Variants in SLC44A5 observed in about 807,000 individuals in gnomAD.
The protein encoded by SLC44A5 is choline transporter-like protein 5.
In SLC44A5, 57 loss-of-function variants were observed where a neutral mutation model predicts 101.8. The ratio of observed to expected loss-of-function variants is 0.56; its 90% CI spans 0.45 to 0.70. SLC44A5 has a LOEUF of 0.70. SLC44A5 is among the 30% of genes least tolerant of loss of function. The probability of loss-of-function intolerance (pLI) is 0.00; values close to 1 mark genes in which losing one functional copy is unlikely to be tolerated. For synonymous variants in SLC44A5, 281 were observed against 290.9 expected (o/e 0.97, Z 0.35); for missense variants, 737 against 853.1 (o/e 0.86, Z 1.70).
chr1:75,486,123 A>G (rs1668135821), intron 2 of SLC44A5, among the ~76,000 whole-genome samples: 1 of 152,224 alleles, frequency 6.6e-6, no homozygotes, highest in African/African-American at 2.4e-5. Flanking sequence ...TAAAACAACA[A>G]TATGACAACA....
At chr1:75,347,224 G>T (rs775828476) in intron 3 of SLC44A5, among the ~76,000 whole-genome samples, 3 of 152,200 alleles carry the variant, frequency 2.0e-5, no homozygotes, top group Non-Finnish European at 4.4e-5. Flanking sequence ...CATCTCTCCT[G>T]CTTCCTCATA....
At chr1:75,556,697 G>C (rs1672234135) in intron 1 of SLC44A5, among the ~76,000 whole-genome samples, 1 of 152,116 alleles carries the variant, frequency 6.6e-6, no homozygotes, top group South Asian at 2.1e-4. Flanking sequence ...TCTTCAAAAA[G>C]TAAAAAAGGG....
At chr1:75,343,554 A>AT (rs1174122853) in intron 3 of SLC44A5, among the ~76,000 whole-genome samples, 4 of 152,160 alleles carry the variant, frequency 2.6e-5, no homozygotes, top group Non-Finnish European at 5.9e-5. Context: ...AAAACATTTG[A>AT]TTTTATTCCT....
At position 75,396,582 on chromosome 1, in the gene SLC44A5, C is replaced by T; in HGVS notation, c.52+1G>A. ...CACTTAATACTCAGACTATGACTTA[C>T]CAAAGTCCTCTTCCTCAGAGGGAGT... On this transcript the variant is annotated splice_donor_variant, in intron 3 of 23. Coordinates refer to ENST00000370859, the MANE Select transcript of SLC44A5 (RefSeq NM_001130058.2). LOFTEE classifies it high-confidence loss of function. 1 of 1,611,526 alleles carries T rather than the reference C, an allele frequency of 6.2e-7. No homozygotes were observed. The highest frequency in any genetic ancestry group is 1.7e-5 in the Admixed American group (1 of 59,948).
the SLC44A5 span, among the ~76,000 whole-genome samples, chr1:75,677,542 AAAGG>A: frequency 1.3e-5 from 2 of 152,202 alleles, no homozygotes; most frequent in Non-Finnish European, 2.9e-5. Context: ...ACCTTCACTA[AAAGG>A]AAGACAGAAA....
chr1:75,575,138 A>G (rs572022599), intron 1 of SLC44A5, among the ~76,000 whole-genome samples: 2 of 152,356 alleles, frequency 1.3e-5, no homozygotes, highest in East Asian at 3.9e-4. Flanking sequence ...TAGATGCTCC[A>G]CATTTTTAAT....
At chr1:75,632,186 T>C in the SLC44A5 span, among the ~76,000 whole-genome samples, 2 of 152,240 alleles carry the variant, frequency 1.3e-5, no homozygotes, top group Non-Finnish European at 2.9e-5. Context: ...ACTTTGTTCA[T>C]ATGATGCTTA....
intron 2 of SLC44A5, among the ~76,000 whole-genome samples, chr1:75,468,218 T>C (rs2101719894): frequency 6.6e-6 from 1 of 152,214 alleles, no homozygotes; most frequent in South Asian, 2.1e-4. Context: ...ACACTGTTGG[T>C]GGGAATGTAA....
At chr1:75,638,509 G>T in the SLC44A5 span, among the ~76,000 whole-genome samples, 1 of 152,062 alleles carries the variant, frequency 6.6e-6, no homozygotes, top group African/African-American at 2.4e-5. Context: ...AAGTGGTGCA[G>T]TCTAGGTTTA....
At chr1:75,714,386 TAA>T in the SLC44A5 span, among the ~76,000 whole-genome samples, 1 of 151,974 alleles carries the variant, frequency 6.6e-6, no homozygotes, top group East Asian at 1.9e-4. Flanking sequence ...CTCAAAACAA[TAA>T]GAGTCATCTA....
At chr1:75,534,803 T>C (rs1277292821) in intron 2 of SLC44A5, among the ~76,000 whole-genome samples, 1 of 152,176 alleles carries the variant, frequency 6.6e-6, no homozygotes, top group African/African-American at 2.4e-5. Context: ...GTTTAAATTA[T>C]AGGCAGACAT....
At chr1:75,568,472 G>T (rs1672901503) in intron 1 of SLC44A5, among the ~76,000 whole-genome samples, 1 of 152,130 alleles carries the variant, frequency 6.6e-6, no homozygotes, top group Non-Finnish European at 1.5e-5. Context: ...AATTCTGACT[G>T]GCCCAGATAC....
intron 3 of SLC44A5, among the ~76,000 whole-genome samples, chr1:75,356,306 C>T (rs1189358244): frequency 6.6e-6 from 1 of 151,556 alleles, no homozygotes; most frequent in African/African-American, 2.4e-5. Flanking sequence ...CTGAAGACCT[C>T]CCAGTGGGAT....
At chr1:75,679,939 CA>C in the SLC44A5 span, among the ~76,000 whole-genome samples, 3 of 151,940 alleles carry the variant, frequency 2.0e-5, no homozygotes, top group Non-Finnish European at 2.9e-5. Flanking sequence ...AAATGGAAAA[CA>C]AAAGAAGGCA....
chr1:75,543,080 C>A (rs549283080), intron 1 of SLC44A5, among the ~76,000 whole-genome samples: 10 of 152,104 alleles, frequency 6.6e-5, no homozygotes, highest in Admixed American at 2.0e-4. Flanking sequence ...TAATAAGATG[C>A]CATGCATACA....
At chr1:75,500,797 CAA>C (rs897864136) in intron 2 of SLC44A5, among the ~76,000 whole-genome samples, 2 of 152,116 alleles carry the variant, frequency 1.3e-5, no homozygotes, top group African/African-American at 4.8e-5. Flanking sequence ...CATTTCACTT[CAA>C]AGTCAGTATT....
chr1:75,307,743 T>C (rs940556860), intron 4 of SLC44A5, among the ~76,000 whole-genome samples: 4 of 152,196 alleles, frequency 2.6e-5, no homozygotes, highest in African/African-American at 9.7e-5. Context: ...TGTCTGACAG[T>C]TCTTTGTTGT....
intron 2 of SLC44A5, among the ~76,000 whole-genome samples, chr1:75,525,690 T>C (rs1434070460): frequency 1.3e-5 from 2 of 152,200 alleles, no homozygotes; most frequent in African/African-American, 4.8e-5. Context: ...AAATTGAATA[T>C]AAATTGGTTA....
At chr1:75,316,293 G>A (rs1655679499) in intron 4 of SLC44A5, among the ~76,000 whole-genome samples, 1 of 152,084 alleles carries the variant, frequency 6.6e-6, no homozygotes, top group African/African-American at 2.4e-5. Flanking sequence ...TTTAAAAATG[G>A]CAATTTCATA....
Sources: allele counts gnomAD v4.1 joint callset (sites outside exome capture counted in the v4.1 genomes callset), GRCh38; gene constraint gnomAD v4.1.1; transcripts MANE v1.5; gene names NCBI Gene and HGNC (gene_info 2026-07-23, HGNC 2026-07-21).